The following TCF4 variants were observed in gnomAD, a reference collection of about 807,000 sequenced individuals.
The protein encoded by TCF4 is SL3-3 enhancer factor 2.
Under a neutral mutation model 82.1 loss-of-function variants are expected in TCF4, and 3 were observed. The observed-to-expected ratio is 0.04, with a 90% CI of 0.02 to 0.09. The LOEUF is 0.09. Ranked by LOEUF, TCF4 falls within the 10% of genes least tolerant of loss-of-function variation. The probability of loss-of-function intolerance (pLI) is 1.00; values close to 1 mark genes in which losing one functional copy is unlikely to be tolerated. For missense variants in TCF4, 518 were observed against 852.7 expected (o/e 0.61, Z 4.89); for synonymous variants, 276 against 309.6 (o/e 0.89, Z 1.14).
intron 3 of TCF4, among the ~76,000 whole-genome samples, chr18:55,557,960 T>C (rs2097319002): frequency 6.6e-6 from 1 of 152,224 alleles, no homozygotes; most frequent in Non-Finnish European, 1.5e-5. Context: ...ATGCCAGAAC[T>C]TGGGGAGACC....
chr18:55,635,179 C>T (rs1298587551), intron 1 of TCF4, among the ~76,000 whole-genome samples: 1 of 152,140 alleles, frequency 6.6e-6, no homozygotes, highest in Non-Finnish European at 1.5e-5. Flanking sequence ...AAAGATTAGA[C>T]AAGAGTCAAC....
chr18:55,329,700 CA>C (rs1248084923), intron 8 of TCF4, among the ~76,000 whole-genome samples: 1 of 151,982 alleles, frequency 6.6e-6, no homozygotes, highest in East Asian at 1.9e-4. Flanking sequence ...ATGGTTGGGC[CA>C]AAAATTGATG....
At chr18:55,497,439 AAAG>A (rs1254758561) in intron 3 of TCF4, among the ~76,000 whole-genome samples, 2 of 152,162 alleles carry the variant, frequency 1.3e-5, no homozygotes, top group Non-Finnish European at 1.5e-5. Context: ...GAAGAAATTA[AAAG>A]AAGAGCAAAC....
intron 3 of TCF4, among the ~76,000 whole-genome samples, chr18:55,511,297 C>G (rs2096825187): frequency 8.3e-6 from 1 of 120,874 alleles, no homozygotes; most frequent in Non-Finnish European, 1.6e-5. Context: ...GGATTTGCAA[C>G]TTAGATGTAG....
intron 2 of TCF4, chr18:55,586,315 C>T (rs1322443236): frequency 1.4e-6 from 1 of 722,464 alleles, no homozygotes; most frequent in African/African-American, 1.7e-5. Flanking sequence ...ATGCATCTTA[C>T]ACCAAACTCA....
chr18:55,357,063 T>C (rs1472747585), intron 6 of TCF4, among the ~76,000 whole-genome samples: 2 of 152,196 alleles, frequency 1.3e-5, no homozygotes, highest in Non-Finnish European at 2.9e-5. Context: ...CATTTTGGTA[T>C]GGAAATTACA....
At chr18:55,589,888 G>T (rs2097680939), upstream of TCF4, 5 of 973,130 alleles carry the variant, frequency 5.1e-6, no homozygotes, top group South Asian at 2.4e-4. Context: ...CCATAGAGTG[G>T]TAAACAGAGC....
At chr18:55,521,882 T>A (rs1181323584) in intron 3 of TCF4, among the ~76,000 whole-genome samples, 2 of 152,174 alleles carry the variant, frequency 1.3e-5, no homozygotes, top group African/African-American at 4.8e-5. Flanking sequence ...TGGTTGGATG[T>A]GTGGCTTAAA....
intron 2 of TCF4, among the ~76,000 whole-genome samples, chr18:55,629,305 G>A (rs1192386652): frequency 6.6e-6 from 1 of 152,150 alleles, no homozygotes; most frequent in South Asian, 2.1e-4. Flanking sequence ...TAGCTCTCTG[G>A]CAAAGCATTG....
intron 8 of TCF4, among the ~76,000 whole-genome samples, chr18:55,345,963 A>T (rs1959915836): frequency 6.6e-6 from 1 of 152,168 alleles, no homozygotes; most frequent in South Asian, 2.1e-4. Context: ...GCCCACTAAT[A>T]AGGAAAAAAC....
At chr18:55,632,499 A>C (rs1439561357) in intron 1 of TCF4, among the ~76,000 whole-genome samples, 1 of 152,226 alleles carries the variant, frequency 6.6e-6, no homozygotes, top group Admixed American at 6.5e-5. Context: ...GATTGTAAAG[A>C]TCACACCAAG....
chr18:55,555,715 T>C (rs2097297798), intron 3 of TCF4, among the ~76,000 whole-genome samples: 1 of 152,230 alleles, frequency 6.6e-6, no homozygotes, highest in Non-Finnish European at 1.5e-5. Flanking sequence ...GAGAAGTCTC[T>C]AATCCTTCCT....
At chr18:55,497,744 C>A (rs556020010) in intron 3 of TCF4, among the ~76,000 whole-genome samples, 30 of 151,950 alleles carry the variant, frequency 2.0e-4, no homozygotes, top group Non-Finnish European at 3.8e-4. Context: ...AACAGAAGAC[C>A]TCACAATATC....
At chr18:55,481,023 G>C (rs917142852) in intron 3 of TCF4, among the ~76,000 whole-genome samples, 7 of 142,516 alleles carry the variant, frequency 4.9e-5, no homozygotes, top group African/African-American at 1.6e-4. Context: ...AGAATCACTT[G>C]AACATGGAAG....
At chr18:55,249,570 T>C (rs556405563) in intron 15 of TCF4, among the ~76,000 whole-genome samples, 1 of 152,308 alleles carries the variant, frequency 6.6e-6, no homozygotes, top group African/African-American at 2.4e-5. Flanking sequence ...CCCTGGTCTT[T>C]TAGAGGGCAT....
In TCF4 at chr18:55,275,670, A is replaced by C; in HGVS notation, c.738T>G (p.Ser246=). The C allele has an allele frequency of 6.2e-7, 1 of 1,613,894 alleles. No homozygotes were observed. The highest frequency in any genetic ancestry group is 1.7e-4 in the Middle Eastern group (1 of 6,052). ...AGTAGCTGCTGGACTGTGGAATATG[A>C]GAAGAGTTGCCCAACATTCCTGCAT... ...PGYAGMLGNS[S]HIPQSSSYCS... Residue 246 remains serine (S), a synonymous_variant, in exon 10 of 20, where the codon TCT becomes TCG. Coordinates refer to ENST00000354452, the MANE Select transcript of TCF4 (RefSeq NM_001083962.2).
chr18:55,357,499 T>C (rs2083862295), intron 6 of TCF4, among the ~76,000 whole-genome samples: 1 of 152,166 alleles, frequency 6.6e-6, no homozygotes, highest in Non-Finnish European at 1.5e-5. Context: ...AAAGTAAAAA[T>C]AGAACAATTT....
At chr18:55,458,009 C>T (rs1423144763) in intron 5 of TCF4, among the ~76,000 whole-genome samples, 1 of 151,998 alleles carries the variant, frequency 6.6e-6, no homozygotes, top group Non-Finnish European at 1.5e-5. Context: ...TAGTCCAGTA[C>T]TTTTTTCTTT....
intron 11 of TCF4, among the ~76,000 whole-genome samples, chr18:55,264,203 ACT>A (rs2058636136): frequency 6.6e-6 from 1 of 152,192 alleles, no homozygotes; most frequent in South Asian, 2.1e-4. Flanking sequence ...AGATATTATG[ACT>A]CAGGAAATAG....
Sources: allele counts gnomAD v4.1 joint callset (sites outside exome capture counted in the v4.1 genomes callset), GRCh38; gene constraint gnomAD v4.1.1; transcripts MANE v1.5; gene names NCBI Gene and HGNC (gene_info 2026-07-23, HGNC 2026-07-21).